PMS1: variants seen among roughly 807,000 people sequenced by gnomAD.
PMS1 encodes the protein PMS1 homolog 1, mismatch repair system component.
Under a neutral mutation model 93.1 loss-of-function variants are expected in PMS1, and 79 were observed. The ratio of observed to expected loss-of-function variants is 0.85; its 90% CI spans 0.71 to 1.02. PMS1 has a LOEUF of 1.02. Among genes scored for constraint, PMS1 ranks in the 50% least tolerant of loss-of-function variants. The pLI, the probability that PMS1 is intolerant of heterozygous loss-of-function variation, is 0.00. For synonymous variants in PMS1, 335 were observed against 363.4 expected, an observed-to-expected ratio of 0.92 and a Z score of 0.89; for missense variants, 1,064 against 1,085.3, an observed-to-expected ratio of 0.98 and a Z score of 0.28.
intron 6 of PMS1, among the ~76,000 whole-genome samples, chr2:189,851,984 A>G (rs1242769833): frequency 6.6e-6 from 1 of 152,160 alleles, no homozygotes; most frequent in Non-Finnish European, 1.5e-5. Flanking sequence ...TCTCTCTGGT[A>G]TTCTTTTCTA....
intron 12 of PMS1, among the ~76,000 whole-genome samples, chr2:189,875,257 C>T (rs5743198): frequency 6.7e-6 from 1 of 150,178 alleles, no homozygotes; most frequent in African/African-American, 2.5e-5. Flanking sequence ...TGAAGAGAAT[C>T]GTAATGGCAA....
intron 6 of PMS1, 87 bp from the exon 7 acceptor site, chr2:189,852,568 A>AT (rs969757026): frequency 1.7e-6 from 2 of 1,198,802 alleles, no homozygotes; most frequent in South Asian, 1.3e-5. Flanking sequence ...CTGTTTTTTA[A>AT]TTTTTTTATA....
chr2:189,820,046 A>T (rs1474995424), intron 5 of PMS1, among the ~76,000 whole-genome samples: 1 of 152,234 alleles, frequency 6.6e-6, no homozygotes, highest in Admixed American at 6.5e-5. Context: ...CAATGTGGAA[A>T]CCTGATGGGA....
Position 189,809,447 on chromosome 2 carries a change from CTTTTTTTTTT to C in PMS1, c.418+3711_418+3720del, listed in dbSNP as rs972672920. On this transcript the variant is annotated intron_variant, in intron 4 of 12. Coordinates refer to ENST00000441310, the MANE Select transcript of PMS1 (RefSeq NM_000534.5). ...TTGGTGCTTTTAAGGAAGCACATTT[CTTTTTTTTTT>C]TTTTTTTTTTTTTTTTTGCTTTTTG... is the stretch of plus-strand genomic sequence containing the variant. Among the ~76,000 whole-genome samples, 58 of 63,456 alleles carry C rather than the reference CTTTTTTTTTT, an allele frequency of 9.1e-4. 1 individual carries two copies. The South Asian group carries it at 0.016, about 18-fold the overall frequency. The allele number at this position is 63,456 out of a possible 152,430, so 41.6% of individuals were successfully genotyped here. A position where few individuals can be genotyped will look rare whatever the true frequency, so the allele number is the denominator to read the frequency against.
At chr2:189,858,537 TA>T (rs1442678758) in intron 9 of PMS1, among the ~76,000 whole-genome samples, 7 of 152,130 alleles carry the variant, frequency 4.6e-5, no homozygotes, top group African/African-American at 1.7e-4. Context: ...CCTTTGGACA[TA>T]ACTTTTTATA....
chr2:189,854,275 A>G lies in PMS1; in HGVS notation c.1003A>G (p.Thr335Ala), dbSNP rs763089248. 1.3e-6 allele frequency: 2 copies of G among 1,594,998 alleles called. No individual in the cohort carries two copies. Among genetic ancestry groups the G allele is most frequent in the African/African-American group, 1.3e-5 (1 of 74,270 alleles). ...VLIALENLMT[T>A]CYGPLPSTNS... is the part of the protein sequence containing the mutation. ...AATTGCTCTTGAAAATCTGATGACG[A>G]CTTGTTATGGACCATTACCTAGTAC... Residue 335 changes from threonine to alanine, a missense_variant, in exon 9 of 13, where the codon ACT becomes GCT. Physicochemically the swap from Thr to Ala is moderately conservative, Grantham distance 58 (BLOSUM62 0). Transcript: ENST00000441310.
chr2:189,827,422 G>T (rs1212707825), intron 5 of PMS1, among the ~76,000 whole-genome samples: 1 of 152,100 alleles, frequency 6.6e-6, no homozygotes, highest in Non-Finnish European at 1.5e-5. Context: ...GTTTACATAT[G>T]TATATCTTGA....
chr2:189,811,675 A>G (rs563398479), intron 4 of PMS1, among the ~76,000 whole-genome samples: 22 of 152,252 alleles, frequency 1.4e-4, no homozygotes, highest in Non-Finnish European at 2.5e-4. Context: ...TTGAAAAGAT[A>G]CAAAGCCACA....
Position 189,873,544 on chromosome 2 carries a change from G to T in PMS1, c.2522G>T (p.Cys841Phe). 6.3e-7 allele frequency: 1 copy of T among 1,598,010 alleles called. No homozygotes were observed. The change falls in exon 12 of 13, where the codon TGT becomes TTT. Residue 841 changes from cysteine (C) to phenylalanine (F), a missense_variant. Coordinates refer to ENST00000441310, the MANE Select transcript of PMS1 (RefSeq NM_000534.5). Reference protein sequence around the residue: ...NYLEIEGMANCLPFYGVADLK... With the variant: ...NYLEIEGMANFLPFYGVADLK... ...TTGGAAATAGAAGGAATGGCTAATTGTCTCCCATTCTATGGAGTAGCAGAT... is the reference window on the plus strand; with the variant it reads ...TTGGAAATAGAAGGAATGGCTAATTTTCTCCCATTCTATGGAGTAGCAGAT...
chr2:189,872,678 G>C (rs1360830209), intron 11 of PMS1, among the ~76,000 whole-genome samples: 1 of 152,080 alleles, frequency 6.6e-6, no homozygotes, highest in Admixed American at 6.5e-5. Flanking sequence ...TGTTGCCCAG[G>C]CTGGAGTGCA....
intron 10 of PMS1, 140 bp downstream of exon 10, chr2:189,864,368 G>A (rs747215330): frequency 5.4e-6 from 4 of 739,664 alleles, no homozygotes; most frequent in Non-Finnish European, 9.2e-6. Flanking sequence ...TTAAACATTT[G>A]ATTTCTAGGC....
intron 2 of PMS1, among the ~76,000 whole-genome samples, chr2:189,793,058 C>G (rs2049036080): frequency 6.6e-6 from 1 of 152,194 alleles, no homozygotes; most frequent in Non-Finnish European, 1.5e-5. Context: ...GATCCGCCCA[C>G]CTCGGCCTCC....
chr2:189,848,155 G>C (rs910689716), intron 6 of PMS1, among the ~76,000 whole-genome samples: 1 of 152,130 alleles, frequency 6.6e-6, no homozygotes, highest in Non-Finnish European at 1.5e-5. Context: ...TGGATTCCTC[G>C]TAGCTTCGTG....
At position 189,805,774 on chromosome 2, in the gene PMS1, TACAA is replaced by T. The variant is rs1308038857; in HGVS notation, c.418+24_418+27del. The T allele has an allele frequency of 6.2e-7, 1 of 1,613,450 alleles. No individual in the cohort carries two copies. The highest frequency in any genetic ancestry group is 1.7e-5 in the Admixed American group (1 of 59,950). ...GTCAAGGTAAGAAAGTAGCTTTGTA[TACAA>T]ACATTCTTTACCTTTTCTGTCTTAA... On this transcript the variant is annotated intron_variant, in intron 4 of 12. Coordinates refer to ENST00000441310, the MANE Select transcript of PMS1 (RefSeq NM_000534.5).
intron 5 of PMS1, among the ~76,000 whole-genome samples, chr2:189,832,185 A>G (rs1361694658): frequency 6.6e-6 from 1 of 152,142 alleles, no homozygotes; most frequent in Non-Finnish European, 1.5e-5. Flanking sequence ...GTTTGGTCTT[A>G]ATTTGAAGGA....
At chr2:189,809,284 A>C (rs1180745169) in intron 4 of PMS1, among the ~76,000 whole-genome samples, 9 of 152,156 alleles carry the variant, frequency 5.9e-5, no homozygotes, top group Admixed American at 5.9e-4. Context: ...TCATGTAAAA[A>C]TATAACAGGG....
intron 1 of PMS1, among the ~76,000 whole-genome samples, chr2:189,786,889 TA>T (rs879794753): frequency 3.9e-5 from 6 of 152,006 alleles, no homozygotes; most frequent in African/African-American, 1.5e-4. Context: ...TTGGCTCTAC[TA>T]AAAATACAAA....
rs957455307 is a variant in PMS1, at chr2:189,864,272, A to G, written c.2342+44A>G. On this transcript the variant is annotated intron_variant, in intron 10 of 12. Coordinates refer to ENST00000441310, the MANE Select transcript of PMS1 (RefSeq NM_000534.5). Reference sequence around the variant, plus strand: ...TTTTAAGAGTAAAAATATTTATTATAATAGTTCATACTAGATTAAAATCGA... The same window carrying G: ...TTTTAAGAGTAAAAATATTTATTATGATAGTTCATACTAGATTAAAATCGA... The G allele has an allele frequency of 3.1e-6, 4 of 1,284,760 alleles. No homozygotes were observed. In the African/African-American group the frequency reaches 5.9e-5, roughly 19 times the overall value. The allele number at this position is 1,284,760 out of a possible 1,614,324, so 79.6% of individuals were successfully genotyped here. A position where few individuals can be genotyped will look rare whatever the true frequency, so the allele number is the denominator to read the frequency against.
At chr2:189,839,644 C>T (rs1282757318) in intron 5 of PMS1, among the ~76,000 whole-genome samples, 1 of 152,162 alleles carries the variant, frequency 6.6e-6, no homozygotes, top group Non-Finnish European at 1.5e-5. Context: ...GTGCAACTGA[C>T]TTAGGTTTCT....
Sources: gnomAD v4.1 joint callset for allele counts (sites outside exome capture counted in the v4.1 genomes callset) on GRCh38, gnomAD v4.1.1 for gene constraint, MANE v1.5 for transcripts, NCBI Gene and HGNC (gene_info 2026-07-23, HGNC 2026-07-21) for gene names.